RNLS: variants seen among roughly 807,000 people sequenced by gnomAD.
RNLS encodes renalase, FAD dependent amine oxidase, also known as renalase.
RNLS carries 39 observed loss-of-function variants against 39.8 expected under a neutral mutation model. The observed-to-expected ratio is 0.98, with a 90% confidence interval of 0.76 to 1.28. The LOEUF (loss-of-function observed/expected upper bound fraction) is 1.28. RNLS is among the 50% of genes most tolerant of loss of function. The probability of loss-of-function intolerance (pLI) is 0.00; values close to 1 mark genes in which losing one functional copy is unlikely to be tolerated. For missense variants in RNLS, 410 were observed against 413.3 expected, an observed-to-expected ratio of 0.99 and a Z score of 0.07; for synonymous variants, 147 against 150.7, an observed-to-expected ratio of 0.98 and a Z score of 0.18.
intron 6 of RNLS, among the ~76,000 whole-genome samples, chr10:88,311,043 G>A (rs1432020620): frequency 6.6e-6 from 1 of 151,870 alleles, no homozygotes; most frequent in Non-Finnish European, 1.5e-5. Flanking sequence ...GTATCTGAAT[G>A]TACATTTGGA....
At chr10:88,184,527 C>T in the RNLS span, among the ~76,000 whole-genome samples, 1 of 152,050 alleles carries the variant, frequency 6.6e-6, no homozygotes, top group Non-Finnish European at 1.5e-5. Context: ...TTTCTCCCCC[C>T]AGCCAAATGA....
intron 6 of RNLS, among the ~76,000 whole-genome samples, chr10:88,287,015 C>T (rs1843322062): frequency 6.6e-6 from 1 of 152,006 alleles, no homozygotes; most frequent in Non-Finnish European, 1.5e-5. Context: ...TCTTGAACTC[C>T]TGGCCTCAAG....
At chr10:88,494,789 A>C (rs1194992778) in intron 4 of RNLS, among the ~76,000 whole-genome samples, 1 of 152,054 alleles carries the variant, frequency 6.6e-6, no homozygotes, top group Admixed American at 6.6e-5. Context: ...TTTAGTGGTG[A>C]ACCCTTTCTC....
intron 5 of RNLS, among the ~76,000 whole-genome samples, chr10:88,358,371 T>C (rs990324283): frequency 6.6e-6 from 1 of 152,204 alleles, no homozygotes; most frequent in Admixed American, 6.5e-5. Flanking sequence ...TTCTCAAATA[T>C]ATACTTGGGA....
chr10:88,499,147 G>C (rs1223394017), intron 4 of RNLS, among the ~76,000 whole-genome samples: 1 of 152,114 alleles, frequency 6.6e-6, no homozygotes, highest in Non-Finnish European at 1.5e-5. Flanking sequence ...TATGCACATG[G>C]AGGAGTCCAT....
At chr10:88,471,099 A>C (rs1843496867) in intron 4 of RNLS, among the ~76,000 whole-genome samples, 1 of 152,148 alleles carries the variant, frequency 6.6e-6, no homozygotes, top group South Asian at 2.1e-4. Flanking sequence ...AAGGTAACCT[A>C]CCTACAAGGA....
Position 88,309,295 on chromosome 10 carries a change from G to T in RNLS, c.876+5171C>A. On this transcript the variant is annotated intron_variant, in intron 6 of 6. Transcript: ENST00000331772. ...CTTAAAAGTTAAAAAATAAGGAAAA[G>T]AAAAAGAAAATGCATGGGAAAAAGC... 5 of 807,002 alleles carry T rather than the reference G, an allele frequency of 6.2e-6. 1 individual carries two copies. The highest frequency in any genetic ancestry group is 3.2e-5 in the South Asian group (2 of 62,834). The allele number at this position is 807,002 out of a possible 1,614,324, so 50.0% of individuals were successfully genotyped here.
In RNLS at chr10:88,314,590, C is replaced by T. The variant is rs1482014739; in HGVS notation, c.752G>A (p.Gly251Glu). The T allele has an allele frequency of 6.2e-7, 1 of 1,613,776 alleles. No individual in the cohort carries two copies. The highest frequency in any genetic ancestry group is 1.3e-5 in the African/African-American group (1 of 74,892). Reference sequence around the variant, plus strand: ...AATGCTGTGTTCCAAGTATGTAACTCCAAATGGGACAGTGGTGTGAATCAC... The same window carrying T: ...AATGCTGTGTTCCAAGTATGTAACTTCAAATGGGACAGTGGTGTGAATCAC... ...SLVIHTTVPF[G>E]VTYLEHSIED... is the part of the protein sequence containing the mutation. Residue 251 changes from glycine to glutamate, a missense_variant, in exon 6 of 7, where the codon GGA becomes GAA. Gly to Glu is a moderately conservative substitution (Grantham distance 98, BLOSUM62 -2). Coordinates refer to ENST00000331772, the MANE Select transcript of RNLS (RefSeq NM_001031709.3).
chr10:88,362,406 C>T, intron 5 of RNLS, 146 bp downstream of exon 5: 1 of 662,500 alleles, frequency 1.5e-6, no homozygotes, highest in South Asian at 3.4e-5. Flanking sequence ...TTATTACTGG[C>T]CAAATGTGAC....
At chr10:88,330,656 A>G (rs1366039964) in intron 5 of RNLS, among the ~76,000 whole-genome samples, 1 of 152,178 alleles carries the variant, frequency 6.6e-6, no homozygotes, top group Non-Finnish European at 1.5e-5. Context: ...TAGTGAATCC[A>G]ATAAACTTGA....
chr10:88,400,779 A>G (rs1852863844), intron 4 of RNLS, among the ~76,000 whole-genome samples: 1 of 146,782 alleles, frequency 6.8e-6, no homozygotes, highest in African/African-American at 2.6e-5. Flanking sequence ...AATTCTACTT[A>G]TTTAGGACTT....
intron 3 of RNLS, among the ~76,000 whole-genome samples, chr10:88,574,057 C>T (rs1850015707): frequency 6.6e-6 from 1 of 152,138 alleles, no homozygotes; most frequent in South Asian, 2.1e-4. Flanking sequence ...ACGAGAATCG[C>T]TTGAACTCGG....
At chr10:88,457,886 G>C (rs1253183021) in intron 4 of RNLS, among the ~76,000 whole-genome samples, 3 of 152,216 alleles carry the variant, frequency 2.0e-5, no homozygotes, top group Non-Finnish European at 4.4e-5. Context: ...AGGCAGCACA[G>C]AGGAGACATG....
At chr10:88,242,987 G>A in the RNLS span, among the ~76,000 whole-genome samples, 1 of 150,326 alleles carries the variant, frequency 6.7e-6, no homozygotes, top group Non-Finnish European at 1.5e-5. Flanking sequence ...ACCCATAAGG[G>A]AGTGAGGAAA....
the RNLS span, among the ~76,000 whole-genome samples, chr10:88,237,734 A>G: frequency 1.3e-5 from 2 of 152,192 alleles, no homozygotes; most frequent in African/African-American, 4.8e-5. Flanking sequence ...TTACCTATCA[A>G]TGAACAAATC....
chr10:88,528,397 A>G (rs977405383), intron 4 of RNLS, among the ~76,000 whole-genome samples: 1 of 152,170 alleles, frequency 6.6e-6, no homozygotes, highest in Non-Finnish European at 1.5e-5. Flanking sequence ...AGGAAGCTGC[A>G]AAAGGATGTA....
At chr10:88,380,795 T>G (rs1317520368) in intron 4 of RNLS, among the ~76,000 whole-genome samples, 1 of 152,226 alleles carries the variant, frequency 6.6e-6, no homozygotes, top group Non-Finnish European at 1.5e-5. Context: ...GATCAGTCTC[T>G]GACTCTATCT....
chr10:88,519,013 A>G (rs1846559694), intron 4 of RNLS, among the ~76,000 whole-genome samples: 1 of 152,044 alleles, frequency 6.6e-6, no homozygotes, highest in African/African-American at 2.4e-5. Context: ...TCCATCTTCC[A>G]CATTAGTGAT....
At chr10:88,473,245 T>C (rs980603219) in intron 4 of RNLS, among the ~76,000 whole-genome samples, 6 of 152,186 alleles carry the variant, frequency 3.9e-5, no homozygotes, top group Non-Finnish European at 5.9e-5. Flanking sequence ...GAAACACCAT[T>C]ATGTGGCACA....
Sources: allele counts gnomAD v4.1 joint callset (sites outside exome capture counted in the v4.1 genomes callset), GRCh38; gene constraint gnomAD v4.1.1; transcripts MANE v1.5; gene names NCBI Gene and HGNC (gene_info 2026-07-23, HGNC 2026-07-21).